XKR6: variants seen among roughly 807,000 people sequenced by gnomAD.
XKR6 encodes XK-related protein 6.
A neutral mutation model predicts 56.7 loss-of-function variants in XKR6; 22 were observed. The ratio of observed to expected loss-of-function variants is 0.39; its 90% confidence interval spans 0.28 to 0.55. The LOEUF (loss-of-function observed/expected upper bound fraction) is 0.55. Among genes scored for constraint, XKR6 ranks in the 20% least tolerant of loss-of-function variants. The pLI is 0.66. For synonymous variants in XKR6, 524 were observed against 387.8 expected, an observed-to-expected ratio of 1.35 and a Z score of -4.13; for missense variants, 852 against 889.0, an observed-to-expected ratio of 0.96 and a Z score of 0.53.
chr8:10,911,573 T>G (rs79258399), intron 2 of XKR6, among the ~76,000 whole-genome samples: 25,522 of 144,236 alleles, frequency 0.18, 2,364 homozygotes, highest in Admixed American at 0.21. Context: ...TATATATATA[T>G]AGAGAGAGAG....
At chr8:11,060,990 G>C (rs930164229) in intron 1 of XKR6, among the ~76,000 whole-genome samples, 1 of 152,196 alleles carries the variant, frequency 6.6e-6, no homozygotes, top group African/African-American at 2.4e-5. Flanking sequence ...CTCCAAGGCT[G>C]GGTTTGGAGC....
intron 1 of XKR6, among the ~76,000 whole-genome samples, chr8:11,040,741 G>A (rs1040702069): frequency 8.6e-5 from 13 of 151,994 alleles, no homozygotes; most frequent in Admixed American, 1.3e-4. Context: ...ACGACTGATC[G>A]CCCCCCAAAC....
intron 1 of XKR6, among the ~76,000 whole-genome samples, chr8:11,074,619 G>A (rs564414333): frequency 6.6e-6 from 1 of 152,140 alleles, no homozygotes; most frequent in African/African-American, 2.4e-5. Context: ...TGAGCACTTG[G>A]TATGTACCAG....
chr8:11,164,280 G>C (rs1025374793), intron 1 of XKR6, among the ~76,000 whole-genome samples: 2 of 152,194 alleles, frequency 1.3e-5, no homozygotes, highest in Admixed American at 6.5e-5. Context: ...GTGTGGCATA[G>C]CAGCCATGCT....
At chr8:11,172,407 T>C (rs1802426897) in intron 1 of XKR6, among the ~76,000 whole-genome samples, 1 of 152,162 alleles carries the variant, frequency 6.6e-6, no homozygotes, top group African/African-American at 2.4e-5. Context: ...CTAGTATTCC[T>C]TTAAAGCAAC....
At chr8:10,919,014 C>T (rs558376543) in intron 2 of XKR6, among the ~76,000 whole-genome samples, 12 of 152,328 alleles carry the variant, frequency 7.9e-5, no homozygotes, top group South Asian at 2.1e-4. Context: ...GCAAGCCTGG[C>T]GGTGTGCTTT....
chr8:11,181,667 T>C (rs1299596596), intron 1 of XKR6, among the ~76,000 whole-genome samples: 1 of 152,200 alleles, frequency 6.6e-6, no homozygotes, highest in Non-Finnish European at 1.5e-5. Flanking sequence ...AAGAACCTCA[T>C]CAATGCCAAG....
Position 11,149,227 on chromosome 8 carries a change from T to C in XKR6, c.764+51349A>G, listed in dbSNP as rs145544981. 7.3e-3 allele frequency among the ~76,000 whole-genome samples: 1,110 copies of C among 152,326 alleles called. 18 individuals are homozygous for C. The highest frequency in any genetic ancestry group is 0.031 in the Middle Eastern group (9 of 294). On this transcript the variant is annotated intron_variant, in intron 1 of 2. Transcript: ENST00000416569. Reference sequence around the variant, plus strand: ...GCACTTACACACGCCTAGATGGCATTGCCTACGACACACCTCGACTCTATA... The same window carrying C: ...GCACTTACACACGCCTAGATGGCATCGCCTACGACACACCTCGACTCTATA...
chr8:11,200,780 T>C lies in XKR6; in HGVS notation c.560A>G (p.Asp187Gly). 6.2e-7 allele frequency: 1 copy of C among 1,607,726 alleles called. No individual in the cohort carries two copies. The change falls in exon 1 of 3, where the codon GAC (aspartate) becomes GGC (glycine). Residue 187 changes from aspartate (D) to glycine (G), a missense_variant. Coordinates refer to ENST00000416569, the MANE Select transcript of XKR6 (RefSeq NM_173683.4). This position sits in a 1 kb window ranked among gnomAD's most constrained non-coding sequence, Gnocchi z 6.4. The part of the protein sequence containing the change: ...QSLSFRWFVQ[D>G]YTGGGLGAVE... The stretch of plus-strand genomic sequence containing the variant: ...GGCGCCCAGCCCGCCGCCCGTGTAG[T>C]CCTGCACGAACCAGCGGAAGCTCAG...
At chr8:10,913,232 G>A (rs570284970) in intron 2 of XKR6, among the ~76,000 whole-genome samples, 1 of 151,658 alleles carries the variant, frequency 6.6e-6, no homozygotes, top group Non-Finnish European at 1.5e-5. Flanking sequence ...CTTGTTCATT[G>A]CCTGCCTCCA....
chr8:11,028,421 C>G (rs750689055), intron 1 of XKR6, among the ~76,000 whole-genome samples: 8 of 152,202 alleles, frequency 5.3e-5, no homozygotes, highest in Non-Finnish European at 8.8e-5. Flanking sequence ...CATCTGTATG[C>G]AGATTTTTGT....
intron 1 of XKR6, among the ~76,000 whole-genome samples, chr8:11,171,278 G>C (rs989941797): frequency 6.6e-6 from 1 of 151,526 alleles, no homozygotes; most frequent in African/African-American, 2.4e-5. Context: ...ACGCATGTGC[G>C]ACTGCACACA....
intron 1 of XKR6, among the ~76,000 whole-genome samples, chr8:11,098,173 T>A (rs534536408): frequency 6.6e-6 from 1 of 152,172 alleles, no homozygotes; most frequent in South Asian, 2.1e-4. Context: ...AATACCGAAT[T>A]GGAATCTGCA....
chr8:10,982,231 C>A (rs183264936), intron 1 of XKR6, among the ~76,000 whole-genome samples: 5 of 152,154 alleles, frequency 3.3e-5, no homozygotes, highest in Non-Finnish European at 5.9e-5. Flanking sequence ...GATAAGAGAA[C>A]GGCACTTTCT....
chr8:11,032,530 A>G (rs541999622), intron 1 of XKR6, among the ~76,000 whole-genome samples: 3 of 152,250 alleles, frequency 2.0e-5, no homozygotes, highest in African/African-American at 4.8e-5. Flanking sequence ...TGTGAACATG[A>G]AAAAAATGTT....
At chr8:11,002,180 C>T (rs140391843) in intron 1 of XKR6, among the ~76,000 whole-genome samples, 95 of 152,312 alleles carry the variant, frequency 6.2e-4, no homozygotes, top group Middle Eastern at 3.4e-3. Context: ...GAATGCCTCA[C>T]CCTCCCCAAT....
chr8:10,910,167 T>C (rs1410432495), intron 2 of XKR6, among the ~76,000 whole-genome samples: 1 of 152,132 alleles, frequency 6.6e-6, no homozygotes, highest in Non-Finnish European at 1.5e-5. Context: ...AGGCCAGGGA[T>C]ACTGCTAAAT....
At chr8:11,187,246 G>A (rs570812068) in intron 1 of XKR6, among the ~76,000 whole-genome samples, 1 of 152,248 alleles carries the variant, frequency 6.6e-6, no homozygotes, top group African/African-American at 2.4e-5. Context: ...TGTAAAAGTG[G>A]ACAAAAATAG....
intron 1 of XKR6, among the ~76,000 whole-genome samples, chr8:11,047,888 G>C (rs927894775): frequency 1.3e-5 from 2 of 152,204 alleles, no homozygotes; most frequent in East Asian, 3.8e-4. Context: ...ACTTCTTTCA[G>C]TTAATCTTTA....
Sources: allele counts gnomAD v4.1 joint callset (sites outside exome capture counted in the v4.1 genomes callset), GRCh38; gene constraint gnomAD v4.1.1; non-coding constraint Gnocchi (gnomAD v3.1); transcripts MANE v1.5; gene names NCBI Gene and HGNC (gene_info 2026-07-23, HGNC 2026-07-21).